The following CCDC138 variants were observed in gnomAD, a reference collection of about 807,000 sequenced individuals.
The protein encoded by CCDC138 is coiled-coil domain-containing protein 138.
CCDC138 carries 66 observed loss-of-function variants against 82.3 expected under a neutral mutation model. The ratio of observed to expected loss-of-function variants is 0.80; its 90% CI spans 0.66 to 0.98. CCDC138 has a LOEUF of 0.98. Among genes scored for constraint, CCDC138 ranks in the 50% least tolerant of loss-of-function variants. CCDC138 has a pLI of 0.00. For missense variants in CCDC138, 816 were observed against 758.9 expected (o/e 1.08, Z -0.88); for synonymous variants, 297 against 265.4 (o/e 1.12, Z -1.16).
rs1377024565 is a variant in CCDC138 at position 108,856,858 on chromosome 2, C to T, written c.1581C>T (p.Thr527=). 6.2e-7 allele frequency: 1 copy of T among 1,612,968 alleles called. No homozygotes were observed. Among genetic ancestry groups the T allele is most frequent in the Non-Finnish European group, 8.5e-7 (1 of 1,179,536 alleles). Reference sequence around the variant, plus strand: ...ACTTGAAGACAGAAGAAGGAAAAACCTTGTTTTTGGAGTATCAGGCTGTTC... The same window carrying T: ...ACTTGAAGACAGAAGAAGGAAAAACTTTGTTTTTGGAGTATCAGGCTGTTC... ...CLDLKTEEGK[T]LFLEYQAVPV... The change falls in exon 13 of 15, where the codon ACC becomes ACT. Residue 527 remains threonine, a synonymous_variant. Coordinates refer to ENST00000295124, the MANE Select transcript of CCDC138 (RefSeq NM_144978.3).
At chr2:108,810,281 G>T (rs1390673456) in intron 7 of CCDC138, among the ~76,000 whole-genome samples, 1 of 152,248 alleles carries the variant, frequency 6.6e-6, no homozygotes, top group East Asian at 1.9e-4. Flanking sequence ...TTGTGTGTTT[G>T]TTATATATAG....
intron 10 of CCDC138, among the ~76,000 whole-genome samples, chr2:108,822,881 A>G (rs1405362582): frequency 6.6e-6 from 1 of 152,212 alleles, no homozygotes; most frequent in Non-Finnish European, 1.5e-5. Context: ...GTTCTTTGAA[A>G]GTATCAACAA....
At chr2:108,859,305 G>A (rs1693174053) in intron 13 of CCDC138, among the ~76,000 whole-genome samples, 1 of 152,114 alleles carries the variant, frequency 6.6e-6, no homozygotes, top group African/African-American at 2.4e-5. Flanking sequence ...TTAGTCCTTT[G>A]TTGGATGCAG....
chr2:108,831,162 G>C (rs1475726926), intron 10 of CCDC138, among the ~76,000 whole-genome samples: 1 of 151,758 alleles, frequency 6.6e-6, no homozygotes, highest in Non-Finnish European at 1.5e-5. Context: ...CTGAGTTATA[G>C]AGCGGGACTC....
rs1481360608 is a variant in CCDC138, at chr2:108,873,510, G to C, written c.1753G>C (p.Val585Leu). Residue 585 changes from valine to leucine, a missense_variant, in exon 14 of 15, where the codon GTG (valine) becomes CTG (leucine). Physicochemically the swap from Val to Leu is conservative, Grantham distance 32 (BLOSUM62 1). Coordinates refer to ENST00000295124, the MANE Select transcript of CCDC138 (RefSeq NM_144978.3). ...SNSLFFRTCS[V>L]LLRAPKLDLQ... ...CTCTTTATTTTTTCGTACTTGCTCT[G>C]TGCTGCTTCGAGCCCCTAAGCTTGA... 1.2e-6 allele frequency: 2 copies of C among 1,612,260 alleles called. No homozygotes were observed.
intron 10 of CCDC138, among the ~76,000 whole-genome samples, chr2:108,826,784 A>G (rs1043013175): frequency 2.2e-4 from 34 of 152,226 alleles, no homozygotes; most frequent in African/African-American, 8.0e-4. Context: ...CAAAGAAACC[A>G]GCTGGGATTT....
At chr2:108,852,592 T>A (rs1691687985) in intron 12 of CCDC138, among the ~76,000 whole-genome samples, 1 of 152,214 alleles carries the variant, frequency 6.6e-6, no homozygotes, top group South Asian at 2.1e-4. Flanking sequence ...TGAGATTATG[T>A]CCTTTGCAGG....
Position 108,812,640 on chromosome 2 carries a change from G to A in CCDC138, c.865G>A (p.Ala289Thr), listed in dbSNP as rs758384939. ...TTTTTCTACCCTTTAGTTAAATGAA[G>A]CAAGTGAAGAAAACAGGAAGATAGA... ...NDTLKKQLNE[A>T]SEENRKIDIQ... The change falls in exon 8 of 15, where the codon GCA (alanine) becomes ACA (threonine). Residue 289 changes from alanine to threonine, a missense_variant. Coordinates refer to ENST00000295124, the MANE Select transcript of CCDC138 (RefSeq NM_144978.3). 1 of 1,611,680 alleles carries A rather than the reference G, an allele frequency of 6.2e-7. No individual in the cohort carries two copies. Among genetic ancestry groups the A allele is most frequent in the Non-Finnish European group, 8.5e-7 (1 of 1,177,992 alleles).
intron 13 of CCDC138, among the ~76,000 whole-genome samples, chr2:108,872,991 C>G (rs536057235): frequency 6.6e-6 from 1 of 152,036 alleles, no homozygotes; most frequent in South Asian, 2.1e-4. Context: ...CTTTTATGCT[C>G]CAAAGGTTCT....
At chr2:108,826,553 A>C (rs1686630628) in intron 10 of CCDC138, among the ~76,000 whole-genome samples, 1 of 152,204 alleles carries the variant, frequency 6.6e-6, no homozygotes, top group Non-Finnish European at 1.5e-5. Context: ...GTTGAAAATA[A>C]ATACAGTGTA....
chr2:108,821,407 C>A (rs751030824), intron 10 of CCDC138, among the ~76,000 whole-genome samples: 6 of 152,022 alleles, frequency 3.9e-5, no homozygotes, highest in Non-Finnish European at 8.8e-5. Context: ...GAATGTGGAG[C>A]CATAATGATG....
chr2:108,805,454 G>A lies in CCDC138; in HGVS notation c.855+446G>A, dbSNP rs188472717. Among the ~76,000 whole-genome samples, 676 of 152,146 alleles carry A rather than the reference G, an allele frequency of 4.4e-3. 4 individuals carry two copies. Among genetic ancestry groups the A allele is most frequent in the African/African-American group, 0.016 (644 of 41,496 alleles). ...TATATAAGTATTGCAGGCCAGGCGC[G>A]GTGGCTCACGCCTGTAATCCCAGCA... On this transcript the variant is annotated intron_variant, in intron 7 of 14. Transcript: ENST00000295124.
In CCDC138 at chr2:108,812,683, T is replaced by C. The variant is rs529592094; in HGVS notation, c.908T>C (p.Val303Ala). The C allele has an allele frequency of 3.1e-6, 5 of 1,611,726 alleles. No homozygotes were observed. In the South Asian group the frequency reaches 3.3e-5, roughly 11 times the overall value. ...AAGATAGACATTCAGGCTAAAAGAGTTCAAGCTCGTTTAGATAATTTACAG... is the reference window on the plus strand; with the variant it reads ...AAGATAGACATTCAGGCTAAAAGAGCTCAAGCTCGTTTAGATAATTTACAG... ...NRKIDIQAKR[V>A]QARLDNLQRK... The change falls in exon 8 of 15, where the codon GTT becomes GCT. Residue 303 changes from valine (V) to alanine (A), a missense_variant. Coordinates refer to ENST00000295124, the MANE Select transcript of CCDC138 (RefSeq NM_144978.3).
Position 108,864,522 on chromosome 2 carries a change from G to A in CCDC138, c.1693+7552G>A, listed in dbSNP as rs371364566. The stretch of plus-strand genomic sequence containing the variant: ...ACAAAAAAATTAAAAAATTAGCCGG[G>A]CACGGTGGCTCACACCTGTAATCCC... On this transcript the variant is annotated intron_variant, in intron 13 of 14. Coordinates refer to ENST00000295124, the MANE Select transcript of CCDC138 (RefSeq NM_144978.3). Among the ~76,000 whole-genome samples, 190 of 152,016 alleles carry A rather than the reference G, an allele frequency of 1.2e-3. 1 individual carries two copies. The Middle Eastern group carries it at 0.021, about 17-fold the overall frequency.
intron 13 of CCDC138, 145 bp from the exon 14 acceptor site, chr2:108,873,303 GATA>G (rs1695551868): frequency 1.8e-6 from 1 of 541,912 alleles, no homozygotes; most frequent in Non-Finnish European, 2.7e-6. Context: ...TTCAAATGAT[GATA>G]TTTTCACTCA....
In CCDC138 at chr2:108,873,501, A is replaced by T; in HGVS notation, c.1744A>T (p.Thr582Ser). The change falls in exon 14 of 15, where the codon ACT becomes TCT. Residue 582 changes from threonine (T) to serine (S), a missense_variant. By Grantham distance (58) the Thr-to-Ser change is moderately conservative. Coordinates refer to ENST00000295124, the MANE Select transcript of CCDC138 (RefSeq NM_144978.3). The part of the protein sequence containing the change: ...EACSNSLFFR[T>S]CSVLLRAPKL... ...CTGTAGCAACTCTTTATTTTTTCGTACTTGCTCTGTGCTGCTTCGAGCCCC... is the reference window on the plus strand; with the variant it reads ...CTGTAGCAACTCTTTATTTTTTCGTTCTTGCTCTGTGCTGCTTCGAGCCCC... 1.2e-5 allele frequency: 20 copies of T among 1,609,418 alleles called. No individual in the cohort carries two copies. Among genetic ancestry groups the T allele is most frequent in the Non-Finnish European group, 1.6e-5 (19 of 1,177,996 alleles).
At chr2:108,835,630 A>G (rs1688448639) in intron 10 of CCDC138, among the ~76,000 whole-genome samples, 1 of 152,250 alleles carries the variant, frequency 6.6e-6, no homozygotes, top group South Asian at 2.1e-4. Context: ...TGGTCCACCC[A>G]TATAATTTCT....
chr2:108,866,620 C>T (rs954193262), intron 13 of CCDC138, among the ~76,000 whole-genome samples: 1 of 152,210 alleles, frequency 6.6e-6, no homozygotes, highest in African/African-American at 2.4e-5. Flanking sequence ...CATGGTGGCT[C>T]ATGCCTGTAA....
At chr2:108,824,969 G>C (rs1431528167) in intron 10 of CCDC138, among the ~76,000 whole-genome samples, 1 of 152,190 alleles carries the variant, frequency 6.6e-6, no homozygotes, top group African/African-American at 2.4e-5. Flanking sequence ...GAATGAAATT[G>C]AGTTGTTTCA....
Sources: allele counts gnomAD v4.1 joint callset (sites outside exome capture counted in the v4.1 genomes callset), GRCh38; gene constraint gnomAD v4.1.1; transcripts MANE v1.5; gene names NCBI Gene and HGNC (gene_info 2026-07-23, HGNC 2026-07-21).